The following HMGA2 variants were observed in gnomAD, a reference collection of about 807,000 sequenced individuals.
The protein encoded by HMGA2 is high mobility group AT-hook 2, also known as high mobility group protein HMGI-C.
In HMGA2, 8 loss-of-function variants were observed where a neutral mutation model predicts 19.1. That is an observed-to-expected ratio of 0.42 (90% CI 0.25 to 0.76). The LOEUF is 0.76. Ranked by LOEUF, HMGA2 falls within the 30% of genes least tolerant of loss-of-function variation. The probability of loss-of-function intolerance (pLI) is 0.28; values close to 1 mark genes in which losing one functional copy is unlikely to be tolerated. For synonymous variants in HMGA2, 60 were observed against 48.8 expected, an observed-to-expected ratio of 1.23 and a Z score of -0.96; for missense variants, 109 against 136.3, an observed-to-expected ratio of 0.80 and a Z score of 1.00.
chr12:65,928,141 C>T (rs923224901), intron 3 of HMGA2, among the ~76,000 whole-genome samples: 3 of 152,076 alleles, frequency 2.0e-5, no homozygotes, highest in Non-Finnish European at 2.9e-5. Flanking sequence ...TACTGCACAT[C>T]TAGGCTAAAT....
At chr12:65,938,084 G>A (rs760016619) in intron 3 of HMGA2, among the ~76,000 whole-genome samples, 4 of 152,162 alleles carry the variant, frequency 2.6e-5, no homozygotes, top group Non-Finnish European at 5.9e-5. Flanking sequence ...TGCAGGGACT[G>A]TCGGAAGAGA....
At chr12:65,875,421 G>A (rs1028571211) in intron 3 of HMGA2, among the ~76,000 whole-genome samples, 3 of 151,508 alleles carry the variant, frequency 2.0e-5, no homozygotes, top group African/African-American at 7.3e-5. Context: ...ATTCAGTTTT[G>A]TCTGTTTGTT....
chr12:65,953,775 T>G (rs948791577), intron 4 of HMGA2: 2 of 152,166 alleles, frequency 1.3e-5, no homozygotes, highest in Non-Finnish European at 2.9e-5. Context: ...AATGACACAG[T>G]GATGAATTAT....
chr12:65,895,354 C>T (rs904437714), intron 3 of HMGA2, among the ~76,000 whole-genome samples: 1 of 151,836 alleles, frequency 6.6e-6, no homozygotes, highest in Admixed American at 6.6e-5. Flanking sequence ...AAAAAAAAAA[C>T]CTTTTGAGAA....
At chr12:65,887,402 C>T (rs1873702788) in intron 3 of HMGA2, among the ~76,000 whole-genome samples, 1 of 152,182 alleles carries the variant, frequency 6.6e-6, no homozygotes, top group South Asian at 2.1e-4. Flanking sequence ...AGCCTGGCAA[C>T]ATGGCAAAAC....
intron 3 of HMGA2, among the ~76,000 whole-genome samples, chr12:65,909,695 C>CT (rs764509003): frequency 2.6e-5 from 4 of 152,184 alleles, no homozygotes; most frequent in Non-Finnish European, 5.9e-5. Flanking sequence ...GTCTTTGCCT[C>CT]TTTTTTGCCT....
intron 3 of HMGA2, among the ~76,000 whole-genome samples, chr12:65,888,538 G>A (rs1873758812): frequency 6.8e-6 from 1 of 146,152 alleles, no homozygotes; most frequent in African/African-American, 2.5e-5. Flanking sequence ...TAGGAATAGA[G>A]TGCCCGTGGT....
chr12:65,940,560 C>T (rs1218427295), intron 3 of HMGA2, among the ~76,000 whole-genome samples: 2 of 152,076 alleles, frequency 1.3e-5, no homozygotes, highest in East Asian at 1.9e-4. Flanking sequence ...TTTTTAAAAA[C>T]AGATGCTATT....
intron 3 of HMGA2, chr12:65,881,875 G>T (rs1230874178): frequency 1.4e-6 from 1 of 702,696 alleles, no homozygotes; most frequent in Non-Finnish European, 2.6e-6. Flanking sequence ...CTCAGAGGTG[G>T]CCCGAGAGAG....
intron 3 of HMGA2, among the ~76,000 whole-genome samples, chr12:65,935,854 G>A (rs943281990): frequency 6.6e-6 from 1 of 152,068 alleles, no homozygotes. Flanking sequence ...TTTAAAGTCT[G>A]GATCTCTTTC....
At chr12:65,880,220 C>T (rs907324902) in intron 3 of HMGA2, among the ~76,000 whole-genome samples, 1 of 152,166 alleles carries the variant, frequency 6.6e-6, no homozygotes, top group Non-Finnish European at 1.5e-5. Context: ...ACTTTGAAAG[C>T]ATTTCAGGTC....
intron 3 of HMGA2, among the ~76,000 whole-genome samples, chr12:65,945,718 T>C (rs142325976): frequency 5.8e-4 from 89 of 152,326 alleles, no homozygotes; most frequent in Non-Finnish European, 9.6e-4. Flanking sequence ...GATTGGATGA[T>C]TACTTGTCTA....
At chr12:65,865,620 T>A (rs1872355717) in intron 3 of HMGA2, among the ~76,000 whole-genome samples, 1 of 150,954 alleles carries the variant, frequency 6.6e-6, no homozygotes, top group South Asian at 2.1e-4. Context: ...CGTCTGTATC[T>A]CCATCTATTT....
chr12:65,829,457 A>C (rs1462492888), intron 2 of HMGA2, among the ~76,000 whole-genome samples: 1 of 152,018 alleles, frequency 6.6e-6, no homozygotes, highest in Non-Finnish European at 1.5e-5. Flanking sequence ...AATTAACTAA[A>C]ATGGACTGAT....
At chr12:65,861,344 C>T (rs912817406) in intron 3 of HMGA2, among the ~76,000 whole-genome samples, 15 of 151,860 alleles carry the variant, frequency 9.9e-5, no homozygotes, top group Admixed American at 4.6e-4. Flanking sequence ...TCCAGCCTGG[C>T]GACAGAGCAA....
intron 3 of HMGA2, among the ~76,000 whole-genome samples, chr12:65,862,694 T>C (rs1872168385): frequency 6.6e-6 from 1 of 152,130 alleles, no homozygotes; most frequent in Admixed American, 6.6e-5. Flanking sequence ...GAATTCAAGA[T>C]AGAGATGAAA....
intron 3 of HMGA2, among the ~76,000 whole-genome samples, chr12:65,861,705 T>A (rs1872083051): frequency 6.6e-6 from 1 of 151,470 alleles, no homozygotes; most frequent in Non-Finnish European, 1.5e-5. Context: ...ACTGATAAAA[T>A]TTTAAGAGTA....
chr12:65,869,131 A>T (rs1872580595), intron 3 of HMGA2, among the ~76,000 whole-genome samples: 1 of 152,204 alleles, frequency 6.6e-6, no homozygotes, highest in African/African-American at 2.4e-5. Flanking sequence ...TTTTCTAAGG[A>T]TCTGACTCAT....
At chr12:65,954,624 A>G (rs1876553888) in intron 4 of HMGA2, 2 of 152,180 alleles carry the variant, frequency 1.3e-5, no homozygotes, top group South Asian at 2.1e-4. Context: ...GTGTTTGTGT[A>G]TACAAGTACA....
Sources: gnomAD v4.1 joint callset for allele counts (sites outside exome capture counted in the v4.1 genomes callset) on GRCh38, gnomAD v4.1.1 for gene constraint, MANE v1.5 for transcripts, NCBI Gene and HGNC (gene_info 2026-07-23, HGNC 2026-07-21) for gene names.